The following SLC35F1 variants were observed in gnomAD, a reference collection of about 807,000 sequenced individuals.
SLC35F1 encodes the protein chromosome 6 open reading frame 169.
In SLC35F1, 14 loss-of-function variants were observed where a neutral mutation model predicts 48.7. The ratio of observed to expected loss-of-function variants is 0.29; its 90% CI spans 0.19 to 0.45. The LOEUF (loss-of-function observed/expected upper bound fraction) is 0.45. SLC35F1 is among the 20% of genes least tolerant of loss of function. The pLI is 1.00. For missense variants in SLC35F1, 404 were observed against 500.0 expected (o/e 0.81, Z 1.83); for synonymous variants, 190 against 202.2 (o/e 0.94, Z 0.51).
At chr6:118,313,441 G>A (rs1179593681) in intron 7 of SLC35F1, among the ~76,000 whole-genome samples, 1 of 152,206 alleles carries the variant, frequency 6.6e-6, no homozygotes, top group Non-Finnish European at 1.5e-5. Flanking sequence ...TTACAGATTA[G>A]TGGGGCAGGA....
intron 1 of SLC35F1, among the ~76,000 whole-genome samples, chr6:117,988,612 A>G (rs1776878100): frequency 6.6e-6 from 1 of 152,224 alleles, no homozygotes; most frequent in Non-Finnish European, 1.5e-5. Context: ...GAGATGTACC[A>G]ATGTTATTAA....
At chr6:118,223,268 A>G (rs1411980671) in intron 2 of SLC35F1, among the ~76,000 whole-genome samples, 2 of 152,218 alleles carry the variant, frequency 1.3e-5, no homozygotes, top group African/African-American at 2.4e-5. Flanking sequence ...CCTCTTCCAC[A>G]TCCAATTTCA....
At chr6:118,113,295 C>T (rs1257037626) in intron 1 of SLC35F1, among the ~76,000 whole-genome samples, 1 of 152,124 alleles carries the variant, frequency 6.6e-6, no homozygotes, top group Non-Finnish European at 1.5e-5. Context: ...CTATGTTGCT[C>T]AGGCTGGTTT....
chr6:118,095,845 A>G (rs1424386910), intron 1 of SLC35F1, among the ~76,000 whole-genome samples: 1 of 152,192 alleles, frequency 6.6e-6, no homozygotes, highest in Non-Finnish European at 1.5e-5. Flanking sequence ...AAGAAAGGCC[A>G]GGAGTGGTGG....
chr6:118,099,181 T>G (rs1249215807), intron 1 of SLC35F1, among the ~76,000 whole-genome samples: 1 of 152,206 alleles, frequency 6.6e-6, no homozygotes, highest in East Asian at 1.9e-4. Flanking sequence ...GCCAAGATTT[T>G]CTGATTTGAG....
chr6:118,095,934 T>C (rs909285879), intron 1 of SLC35F1, among the ~76,000 whole-genome samples: 73 of 152,200 alleles, frequency 4.8e-4, no homozygotes, highest in African/African-American at 1.7e-3. Context: ...GTCTTCATTA[T>C]TACCAACTGA....
At chr6:118,043,547 C>G (rs1489482299) in intron 1 of SLC35F1, among the ~76,000 whole-genome samples, 5 of 151,998 alleles carry the variant, frequency 3.3e-5, no homozygotes, top group Non-Finnish European at 7.4e-5. Flanking sequence ...AACTGTTTAC[C>G]TGGTATCTAG....
At chr6:118,286,785 GTGTGTGTGTGTGTGTGTGTT>G (rs1322423000) in intron 7 of SLC35F1, among the ~76,000 whole-genome samples, 1 of 132,564 alleles carries the variant, frequency 7.5e-6, no homozygotes, top group Non-Finnish European at 1.6e-5. Context: ...CTGTGTGTGT[GTGTGTGTGTGTGTGTGTGTT>G]TGTGTGTGTG....
Position 118,049,490 on chromosome 6 carries a change from T to A in SLC35F1, c.174-104955T>A, listed in dbSNP as rs185741582. Among the ~76,000 whole-genome samples the A allele has an allele frequency of 6.7e-3, 1,023 of 152,044 alleles. 16 individuals carry two copies. Among genetic ancestry groups the A allele is most frequent in the African/African-American group, 0.023 (943 of 41,434 alleles). On this transcript the variant is annotated intron_variant, in intron 1 of 7. Coordinates refer to ENST00000360388, the MANE Select transcript of SLC35F1 (RefSeq NM_001029858.4). The stretch of plus-strand genomic sequence containing the variant: ...TTTGACAAAGGGCTAATATCCAGAA[T>A]CTACAATGAACTCAAACAAATTTAC...
chr6:118,288,430 G>C (rs1053605798), intron 7 of SLC35F1, among the ~76,000 whole-genome samples: 4 of 152,166 alleles, frequency 2.6e-5, no homozygotes, highest in African/African-American at 9.7e-5. Context: ...GGAAAGGCCA[G>C]ACAACTCAAA....
At chr6:117,920,643 T>C (rs2114800394) in intron 1 of SLC35F1, among the ~76,000 whole-genome samples, 1 of 152,270 alleles carries the variant, frequency 6.6e-6, no homozygotes. Context: ...GTCAGGGGGT[T>C]GTCTTGAAGT....
chr6:118,107,123 G>A (rs2114375660), intron 1 of SLC35F1, among the ~76,000 whole-genome samples: 1 of 152,168 alleles, frequency 6.6e-6, no homozygotes, highest in East Asian at 1.9e-4. Context: ...TGCCATCTCT[G>A]GTGCTTAGAA....
chr6:118,172,161 CAA>C (rs146609294), intron 2 of SLC35F1, among the ~76,000 whole-genome samples: 5 of 138,626 alleles, frequency 3.6e-5, no homozygotes, highest in South Asian at 2.3e-4. Context: ...AACCTCCATT[CAA>C]AAAAAAAAAA....
At chr6:118,280,636 G>C (rs1775971255) in intron 6 of SLC35F1, among the ~76,000 whole-genome samples, 1 of 152,092 alleles carries the variant, frequency 6.6e-6, no homozygotes, top group Non-Finnish European at 1.5e-5. Context: ...CCAGCATTTT[G>C]GGAGGCTGAG....
intron 1 of SLC35F1, among the ~76,000 whole-genome samples, chr6:117,965,131 G>T (rs1189882448): frequency 6.6e-6 from 1 of 152,114 alleles, no homozygotes; most frequent in Non-Finnish European, 1.5e-5. Context: ...ACTCAGATAA[G>T]ACAAATATAA....
At position 118,153,780 on chromosome 6, in the gene SLC35F1, A is replaced by G. The variant is rs143175322; in HGVS notation, c.174-665A>G. Among the ~76,000 whole-genome samples, 8 of 152,346 alleles carry G rather than the reference A, an allele frequency of 5.3e-5. No individual in the cohort carries two copies. The East Asian group carries it at 1.3e-3, about 26-fold the overall frequency. The stretch of plus-strand genomic sequence containing the variant: ...CCACAGTACTGAATCTCTTTCACGA[A>G]TAGCAGTTTTAGTGTGTAGGCAATT... On this transcript the variant is annotated intron_variant, in intron 1 of 7. Coordinates refer to ENST00000360388, the MANE Select transcript of SLC35F1 (RefSeq NM_001029858.4).
At chr6:117,995,317 C>A (rs1196319696) in intron 1 of SLC35F1, among the ~76,000 whole-genome samples, 1 of 152,100 alleles carries the variant, frequency 6.6e-6, no homozygotes, top group East Asian at 1.9e-4. Context: ...TTGCTAAATA[C>A]CAATGAGAGC....
intron 1 of SLC35F1, among the ~76,000 whole-genome samples, chr6:117,985,963 G>A (rs577340806): frequency 4.9e-4 from 75 of 152,314 alleles, no homozygotes; most frequent in African/African-American, 1.7e-3. Context: ...CAATTAATGT[G>A]ATGGGGTATC....
intron 1 of SLC35F1, among the ~76,000 whole-genome samples, chr6:117,960,598 A>G (rs1264554029): frequency 6.6e-6 from 1 of 152,138 alleles, no homozygotes; most frequent in African/African-American, 2.4e-5. Flanking sequence ...TGTAGAGCTC[A>G]TGTAGAAAGG....
Sources: gnomAD v4.1 joint callset for allele counts (sites outside exome capture counted in the v4.1 genomes callset) on GRCh38, gnomAD v4.1.1 for gene constraint, MANE v1.5 for transcripts, NCBI Gene and HGNC (gene_info 2026-07-23, HGNC 2026-07-21) for gene names.